The following EXOC2 variants were observed in gnomAD, a reference collection of about 807,000 sequenced individuals.
The protein encoded by EXOC2 is exocyst complex component 2.
A neutral mutation model predicts 131.8 loss-of-function variants in EXOC2; 70 were observed. The observed-to-expected ratio is 0.53, with a 90% CI of 0.44 to 0.65. EXOC2 has a LOEUF of 0.65. Ranked by LOEUF, EXOC2 falls within the 30% of genes least tolerant of loss-of-function variation. The probability of loss-of-function intolerance (pLI) is 0.00; values close to 1 mark genes in which losing one functional copy is unlikely to be tolerated. For missense variants in EXOC2, 923 were observed against 1,108.6 expected (o/e 0.83, Z 2.38); for synonymous variants, 411 against 398.4 (o/e 1.03, Z -0.38).
intron 1 of EXOC2, 67 bp from the exon 2 acceptor site, chr6:637,928 T>C: frequency 9.8e-7 from 1 of 1,018,662 alleles, no homozygotes; most frequent in Non-Finnish European, 1.5e-6. Context: ...AATATAAGAA[T>C]GCTAGACAGT....
Position 693,049 on chromosome 6 carries a change from G to C in EXOC2, c.-74C>G, listed in dbSNP as rs1284672146. 2 of 152,548 alleles carry C rather than the reference G, an allele frequency of 1.3e-5. No individual in the cohort carries two copies. Among genetic ancestry groups the C allele is most frequent in the East Asian group, 3.8e-4 (2 of 5,202 alleles). 9.4% of individuals were successfully genotyped at this position (152,548 alleles called of 1,614,324 possible). A position where few individuals can be genotyped will look rare whatever the true frequency, so the allele number is the denominator to read the frequency against. The stretch of plus-strand genomic sequence containing the variant: ...GCCGTCCTGCCGCAGCTCACGGCCG[G>C]CACAGACAGGGCCCGGTAGGTCTCG... On this transcript the variant is annotated 5_prime_UTR_variant, in exon 1 of 28. Transcript: ENST00000230449.
At chr6:653,740 C>A (rs139483299) in intron 1 of EXOC2, among the ~76,000 whole-genome samples, 168 of 152,316 alleles carry the variant, frequency 1.1e-3, no homozygotes, top group African/African-American at 3.7e-3. Context: ...TGGCTACACT[C>A]AACGACACAT....
chr6:571,131 C>T (rs1308095118), intron 13 of EXOC2, among the ~76,000 whole-genome samples: 2 of 152,192 alleles, frequency 1.3e-5, no homozygotes, highest in African/African-American at 4.8e-5. Context: ...CGAAACCTGA[C>T]GTTCGTTTCA....
At chr6:605,294 T>G (rs190747653) in intron 7 of EXOC2, among the ~76,000 whole-genome samples, 8 of 152,352 alleles carry the variant, frequency 5.3e-5, no homozygotes, top group Non-Finnish European at 1.2e-4. Context: ...TTCTGTGATA[T>G]CCAAAAACGT....
chr6:647,617 C>T (rs1762635711), intron 1 of EXOC2, among the ~76,000 whole-genome samples: 1 of 121,758 alleles, frequency 8.2e-6, no homozygotes, highest in Non-Finnish European at 1.7e-5. Context: ...TGACCGCTCA[C>T]ATTCTAATAA....
At chr6:576,567 T>A (rs1758588936) in intron 12 of EXOC2, among the ~76,000 whole-genome samples, 190 bp downstream of exon 12, 1 of 152,214 alleles carries the variant, frequency 6.6e-6, no homozygotes, top group Non-Finnish European at 1.5e-5. Flanking sequence ...TCAAATAGCA[T>A]TCCTTTAAAT....
intron 11 of EXOC2, among the ~76,000 whole-genome samples, chr6:587,431 A>G (rs1161735171): frequency 2.0e-5 from 3 of 152,140 alleles, no homozygotes; most frequent in Admixed American, 1.3e-4. Context: ...TTTTTAGTAG[A>G]GACGGGGTTT....
intron 23 of EXOC2, among the ~76,000 whole-genome samples, chr6:513,016 G>T (rs1016179998): frequency 6.6e-6 from 1 of 152,192 alleles, no homozygotes; most frequent in Non-Finnish European, 1.5e-5. Flanking sequence ...AACAATGGAC[G>T]CTTAAACCCC....
intron 6 of EXOC2, among the ~76,000 whole-genome samples, chr6:615,950 A>G (rs1760978676): frequency 6.6e-6 from 1 of 152,116 alleles, no homozygotes; most frequent in African/African-American, 2.4e-5. Flanking sequence ...GTTAACTATG[A>G]TAATATCATT....
chr6:657,081 C>T lies in EXOC2; in HGVS notation c.-43-19220G>A, dbSNP rs546123332. Reference sequence around the variant, plus strand: ...CCAGCTAGGCAGGCACTCGGGTTCCCGGTTGCGGTTGCGGGTTCTGTTGTG... The same window carrying T: ...CCAGCTAGGCAGGCACTCGGGTTCCTGGTTGCGGTTGCGGGTTCTGTTGTG... On this transcript the variant is annotated intron_variant, in intron 1 of 27. Coordinates refer to ENST00000230449, the MANE Select transcript of EXOC2 (RefSeq NM_018303.6). 86 of 664,768 alleles carry T rather than the reference C, an allele frequency of 1.3e-4. 1 individual carries two copies. In the African/African-American group the frequency reaches 1.5e-3, roughly 11 times the overall value. The allele number at this position is 664,768 out of a possible 1,614,324, so 41.2% of individuals were successfully genotyped here.
At chr6:574,478 T>C (rs560187739) in intron 12 of EXOC2, among the ~76,000 whole-genome samples, 1 of 152,326 alleles carries the variant, frequency 6.6e-6, no homozygotes, top group Admixed American at 6.5e-5. Flanking sequence ...TATTGTGGGG[T>C]TGAGTGTCTA....
intron 1 of EXOC2, among the ~76,000 whole-genome samples, chr6:683,282 G>C (rs558918271): frequency 6.6e-6 from 1 of 152,306 alleles, no homozygotes; most frequent in African/African-American, 2.4e-5. Flanking sequence ...GTGATATCAA[G>C]AGTCTACATA....
At chr6:644,225 T>C (rs1485908413) in intron 1 of EXOC2, among the ~76,000 whole-genome samples, 1 of 152,092 alleles carries the variant, frequency 6.6e-6, no homozygotes, top group Non-Finnish European at 1.5e-5. Context: ...AATTACCATA[T>C]TAAAAGTAAA....
rs970387560 is a variant in EXOC2, at chr6:545,019, T to C, written c.2238+4156A>G. On this transcript the variant is annotated intron_variant, in intron 22 of 27. Coordinates refer to ENST00000230449, the MANE Select transcript of EXOC2 (RefSeq NM_018303.6). ...AAAATTAGCCGGGCGCAGTGGCGGG[T>C]GCCTGTAGTCCCAGCTACTCGGGAG... 1.8e-4 allele frequency among the ~76,000 whole-genome samples: 27 copies of C among 150,048 alleles called. No homozygotes were observed. The South Asian group carries it at 3.8e-3, about 21-fold the overall frequency.
At chr6:659,991 C>T (rs948984247) in intron 1 of EXOC2, among the ~76,000 whole-genome samples, 5 of 86,346 alleles carry the variant, frequency 5.8e-5, no homozygotes, top group African/African-American at 4.0e-5. Context: ...CCACTCAGGG[C>T]TGTTGGGGGG....
chr6:490,051 A>G (rs1444947806), intron 26 of EXOC2, among the ~76,000 whole-genome samples: 3 of 152,154 alleles, frequency 2.0e-5, no homozygotes, highest in African/African-American at 7.2e-5. Context: ...CTCCACCATC[A>G]GCTTGTTTCT....
intron 23 of EXOC2, among the ~76,000 whole-genome samples, chr6:514,027 G>A (rs1041620486): frequency 1.3e-5 from 2 of 152,192 alleles, no homozygotes; most frequent in African/African-American, 2.4e-5. Context: ...TTTGAAAAGT[G>A]TTAGGAGGCA....
Position 597,938 on chromosome 6 carries a change from TC to T in EXOC2, c.1073+82del, listed in dbSNP as rs1240550114. ...CATTTCATCAATCTCCTAAAGTCCC[TC>T]AAGTTAGCCTTAAGGGTTACAAGAT... is the stretch of plus-strand genomic sequence containing the variant. On this transcript the variant is annotated intron_variant, in intron 10 of 27. Transcript: ENST00000230449. The T allele has an allele frequency of 1.5e-5, 15 of 976,104 alleles. No homozygotes were observed. In the African/African-American group the frequency reaches 2.5e-4, roughly 16 times the overall value. The allele number at this position is 976,104 out of a possible 1,614,324, so 60.5% of individuals were successfully genotyped here.
chr6:541,533 T>C (rs1328500991), intron 22 of EXOC2, among the ~76,000 whole-genome samples: 4 of 151,966 alleles, frequency 2.6e-5, no homozygotes, highest in South Asian at 2.1e-4. Context: ...AAACAAGCGA[T>C]AGTAAGTACA....
Sources: gnomAD v4.1 joint callset for allele counts (sites outside exome capture counted in the v4.1 genomes callset) on GRCh38, gnomAD v4.1.1 for gene constraint, MANE v1.5 for transcripts, NCBI Gene and HGNC (gene_info 2026-07-23, HGNC 2026-07-21) for gene names.